The following EIF2B5 variants were observed in gnomAD, a reference collection of about 807,000 sequenced individuals.
EIF2B5 encodes eukaryotic translation initiation factor 2B subunit epsilon.
In EIF2B5, 38 loss-of-function variants were observed where a neutral mutation model predicts 87.3. The observed-to-expected ratio is 0.44, with a 90% confidence interval of 0.34 to 0.57. The LOEUF (loss-of-function observed/expected upper bound fraction) is 0.57. EIF2B5 is among the 20% of genes least tolerant of loss of function. The probability of loss-of-function intolerance (pLI) is 0.02; values close to 1 mark genes in which losing one functional copy is unlikely to be tolerated. For synonymous variants in EIF2B5, 313 were observed against 339.6 expected (o/e 0.92, Z 0.86); for missense variants, 784 against 909.5 (o/e 0.86, Z 1.78).
At position 184,141,840 on chromosome 3, in the gene EIF2B5, T is replaced by C. The variant is rs191621646; in HGVS notation, c.1157-85T>C. On this transcript the variant is annotated intron_variant, in intron 7 of 15. Coordinates refer to ENST00000648915, the MANE Select transcript of EIF2B5 (RefSeq NM_003907.3). ...GAGAGCTAGGTGGGAGCTGTGCTGGTGTCAGTCAGCCCTGTCCTCTATGAA... is the reference window on the plus strand; with the variant it reads ...GAGAGCTAGGTGGGAGCTGTGCTGGCGTCAGTCAGCCCTGTCCTCTATGAA... The C allele has an allele frequency of 1.3e-5, 20 of 1,567,170 alleles. No homozygotes were observed. The East Asian group carries it at 4.1e-4, about 32-fold the overall frequency.
intron 2 of EIF2B5, chr3:184,137,026 G>T: frequency 2.3e-6 from 1 of 427,402 alleles, no homozygotes. Context: ...CTTCAGTATG[G>T]AAGTTACAAT....
Position 184,136,647 on chromosome 3 carries a change from C to T in EIF2B5, c.231C>T (p.Asp77=), listed in dbSNP as rs750017665. The T allele has an allele frequency of 1.9e-6, 3 of 1,614,168 alleles. No individual in the cohort carries two copies. The highest frequency in any genetic ancestry group is 2.5e-6 in the Non-Finnish European group (3 of 1,180,040). The part of the protein sequence containing the change: ...LLPLANVALI[D]YTLEFLTATG... ...CCCTGGCCAATGTGGCATTAATTGA[C>T]TACACTCTGGAATTCCTGACTGCCA... Residue 77 remains aspartate, a synonymous_variant, in exon 2 of 16, where the codon GAC becomes GAT. Transcript: ENST00000648915.
chr3:184,144,638 A>G lies in EIF2B5; in HGVS notation c.2037A>G (p.Glu679=). The G allele has an allele frequency of 1.2e-6, 2 of 1,614,146 alleles. No individual in the cohort carries two copies. Among genetic ancestry groups the G allele is most frequent in the Non-Finnish European group, 1.7e-6 (2 of 1,180,028 alleles). Residue 679 remains glutamate, a synonymous_variant, in exon 15 of 16, where the codon GAA becomes GAG. Coordinates refer to ENST00000648915, the MANE Select transcript of EIF2B5 (RefSeq NM_003907.3). The part of the protein sequence containing the change: ...AFYQLEILAE[E]TILSWFSQRD... ...ACCAGCTGGAGATCCTGGCTGAGGAAACAATTCTGAGCTGGTTCAGCCAAA... is the reference window on the plus strand; with the variant it reads ...ACCAGCTGGAGATCCTGGCTGAGGAGACAATTCTGAGCTGGTTCAGCCAAA...
chr3:184,144,909 A>G lies in EIF2B5; in HGVS notation c.2132A>G (p.Lys711Arg). The G allele has an allele frequency of 1.2e-6, 2 of 1,613,726 alleles. No individual in the cohort carries two copies. The highest frequency in any genetic ancestry group is 1.7e-6 in the Non-Finnish European group (2 of 1,180,002). ...QQLQRFIQWL[K>R]EAEEESSEDD is the part of the protein sequence containing the mutation. ...CTGCAGAGGTTCATCCAGTGGCTAA[A>G]AGAGGCAGAAGAGGAGTCATCTGAA... The change falls in exon 16 of 16, where the codon AAA (lysine) becomes AGA (arginine). Residue 711 changes from lysine (K) to arginine (R), a missense_variant. Lys to Arg is a conservative substitution (Grantham distance 26). Coordinates refer to ENST00000648915, the MANE Select transcript of EIF2B5 (RefSeq NM_003907.3).
rs1344734315 is a variant in EIF2B5 at position 184,143,454 on chromosome 3, C to T, written c.1758C>T (p.Asn586=). 1.9e-5 allele frequency: 30 copies of T among 1,614,024 alleles called. No individual in the cohort carries two copies. Among genetic ancestry groups the T allele is most frequent in the Non-Finnish European group, 2.3e-5 (27 of 1,180,030 alleles). Residue 586 remains asparagine, a synonymous_variant, in exon 13 of 16, where the codon AAC becomes AAT. Coordinates refer to ENST00000648915, the MANE Select transcript of EIF2B5 (RefSeq NM_003907.3). ...AGTCTCCCCACAGGTATGCCTATAA[C>T]ATAAGTCTAAAGGAGGTGATGCAGG... ...LEINSLKYAY[N]ISLKEVMQVL...
At chr3:184,138,892 G>A in intron 5 of EIF2B5, 1 of 294,716 alleles carries the variant, frequency 3.4e-6, no homozygotes, top group Non-Finnish European at 6.7e-6. Context: ...GAACTCCTGA[G>A]CTCAAGCAAT....
chr3:184,143,627 A>G, intron 13 of EIF2B5, 62 bp downstream of exon 13: 1 of 1,612,352 alleles, frequency 6.2e-7, no homozygotes. Flanking sequence ...TCAGGAGTAG[A>G]CTGTCTTGTT....
intron 1 of EIF2B5, among the ~76,000 whole-genome samples, chr3:184,136,320 G>T (rs1340536420): frequency 1.3e-5 from 2 of 152,194 alleles, no homozygotes; most frequent in Non-Finnish European, 2.9e-5. Context: ...ATGGAAATAT[G>T]ATTGATTTCC....
intron 14 of EIF2B5, 83 bp downstream of exon 14, chr3:184,144,307 G>A: frequency 1.3e-6 from 2 of 1,597,374 alleles, no homozygotes; most frequent in Non-Finnish European, 1.7e-6. Flanking sequence ...TAAAATAGAA[G>A]CTAATGTGAA....
At position 184,142,371 on chromosome 3, in the gene EIF2B5, G is replaced by A; in HGVS notation, c.1437G>A (p.Lys479=). ...SGADQEKDKV[K]MKGYNPAEVG... The stretch of plus-strand genomic sequence containing the variant: ...CTGACCAAGAAAAGGACAAAGTGAA[G>A]ATGAAAGGTGTGAGACTCAACAGGT... The change falls in exon 9 of 16, where the codon AAG becomes AAA. Residue 479 remains lysine (K), a synonymous_variant. Coordinates refer to ENST00000648915, the MANE Select transcript of EIF2B5 (RefSeq NM_003907.3). The surrounding 1 kb of genome is among the most constrained non-coding windows in gnomAD (Gnocchi z 5.0). The A allele has an allele frequency of 6.2e-7, 1 of 1,614,190 alleles. No individual in the cohort carries two copies. Among genetic ancestry groups the A allele is most frequent in the Non-Finnish European group, 8.5e-7 (1 of 1,180,034 alleles).
intron 2 of EIF2B5, 157 bp downstream of exon 2, chr3:184,136,893 C>A: frequency 2.9e-6 from 3 of 1,035,520 alleles, no homozygotes; most frequent in Non-Finnish European, 2.9e-6. Context: ...AGGAGGTGAG[C>A]AGCTGAAACT....
chr3:184,141,833 G>C, intron 7 of EIF2B5, 92 bp from the exon 8 acceptor site: 1 of 1,540,718 alleles, frequency 6.5e-7, no homozygotes, highest in Admixed American at 1.7e-5. Flanking sequence ...GGTGGGAGCT[G>C]TGCTGGTGTC....
In EIF2B5 at chr3:184,138,095, C is replaced by T; in HGVS notation, c.684+20C>T. ...CCTCTGGTGTGTGGATATCTGGGGT[C>T]CTTTGAGATGGGGAAGTGACAGGCT... On this transcript the variant is annotated intron_variant, in intron 4 of 15. Coordinates refer to ENST00000648915, the MANE Select transcript of EIF2B5 (RefSeq NM_003907.3). 1 of 1,614,000 alleles carries T rather than the reference C, an allele frequency of 6.2e-7. No individual in the cohort carries two copies. The highest frequency in any genetic ancestry group is 8.5e-7 in the Non-Finnish European group (1 of 1,179,998).
chr3:184,137,571 T>G, intron 2 of EIF2B5, 49 bp from the exon 3 acceptor site: 1 of 1,592,862 alleles, frequency 6.3e-7, no homozygotes, highest in Non-Finnish European at 8.6e-7. Flanking sequence ...AAGGCTCAAA[T>G]GATCTTTATG....
chr3:184,137,618 A>G lies in EIF2B5; in HGVS notation c.321-2A>G. 4 of 1,613,926 alleles carry G rather than the reference A, an allele frequency of 2.5e-6. No individual in the cohort carries two copies. Among genetic ancestry groups the G allele is most frequent in the African/African-American group, 1.3e-5 (1 of 75,026 alleles). On this transcript the variant is annotated splice_acceptor_variant, in intron 2 of 15. Transcript: ENST00000648915. LOFTEE classifies it high-confidence loss of function. ...CATTCCCCTCACCCTCCCTTCCTTT[A>G]GGAAGTCAAAGTGGTGCCGCCCTAC... is the stretch of plus-strand genomic sequence containing the variant.
chr3:184,137,554 A>T (rs905097072), intron 2 of EIF2B5, 66 bp from the exon 3 acceptor site: 1 of 1,558,692 alleles, frequency 6.4e-7, no homozygotes, highest in Non-Finnish European at 8.8e-7. Context: ...GGGGGTGAAA[A>T]ATGGGGAAGG....
rs150014450 is a variant in EIF2B5 at position 184,139,966 on chromosome 3, T to G, written c.766-114T>G. 327 of 759,716 alleles carry G rather than the reference T, an allele frequency of 4.3e-4. 1 individual carries two copies. In the African/African-American group the frequency reaches 5.6e-3, roughly 13 times the overall value. The allele number at this position is 759,716 out of a possible 1,614,324, so 47.1% of individuals were successfully genotyped here. On this transcript the variant is annotated intron_variant, in intron 5 of 15. Transcript: ENST00000648915. ...TTAACCCAGGAGGTGGAGGTTGCAG[T>G]GAGCCGAGATCATGCAACTGCACTC... is the stretch of plus-strand genomic sequence containing the variant.
Position 184,143,149 on chromosome 3 carries a change from G to A in EIF2B5, c.1745+7G>A. On this transcript the variant is annotated splice_region_variant and intron_variant, in intron 12 of 15. Coordinates refer to ENST00000648915, the MANE Select transcript of EIF2B5 (RefSeq NM_003907.3). ...TGGAAATCAACTCTCTCAAGTAAGA[G>A]CAGCCCCTCCCTGTTCTCCTCGGGG... 6.2e-7 allele frequency: 1 copy of A among 1,612,360 alleles called. No homozygotes were observed. The highest frequency in any genetic ancestry group is 1.3e-5 in the African/African-American group (1 of 75,032).
chr3:184,144,807 G>T, intron 15 of EIF2B5, 77 bp from the exon 16 acceptor site: 1 of 1,586,944 alleles, frequency 6.3e-7, no homozygotes, highest in Non-Finnish European at 8.6e-7. Context: ...CTGGTTGTTA[G>T]AGCTGTTTAT....
Sources: allele counts gnomAD v4.1 joint callset (sites outside exome capture counted in the v4.1 genomes callset), GRCh38; gene constraint gnomAD v4.1.1; non-coding constraint Gnocchi (gnomAD v3.1); transcripts MANE v1.5; gene names NCBI Gene and HGNC (gene_info 2026-07-23, HGNC 2026-07-21).